Variants in PTPRM observed in about 807,000 individuals in gnomAD.
PTPRM encodes protein tyrosine phosphatase receptor type M.
PTPRM carries 47 observed loss-of-function variants against 186.7 expected under a neutral mutation model. The observed-to-expected ratio is 0.25, with a 90% CI of 0.20 to 0.32. The LOEUF is 0.32. PTPRM is among the 10% of genes least tolerant of loss of function. The probability of loss-of-function intolerance (pLI) is 1.00; values close to 1 mark genes in which losing one functional copy is unlikely to be tolerated. For synonymous variants in PTPRM, 668 were observed against 674.9 expected (o/e 0.99, Z 0.16); for missense variants, 1,494 against 1,865.0 (o/e 0.80, Z 3.66).
chr18:7,842,946 A>ATT (rs1484202242), intron 2 of PTPRM, among the ~76,000 whole-genome samples: 20 of 128,346 alleles, frequency 1.6e-4, no homozygotes, highest in African/African-American at 5.8e-4. Context: ...ATATATATAT[A>ATT]TAGAGAGAGA....
intron 19 of PTPRM, among the ~76,000 whole-genome samples, chr18:8,273,173 AT>A (rs1270565446): frequency 6.6e-6 from 1 of 152,144 alleles, no homozygotes; most frequent in Non-Finnish European, 1.5e-5. Context: ...CACTTAGTAC[AT>A]TTTTAGTTTA....
rs774980837 is a variant in PTPRM at position 7,644,324 on chromosome 18, C to T, written c.73+76433C>T. ...TTTCAAATTAGAAAATCTTTCTATA[C>T]TGTGGAAACATTTTAAACTAATACA... is the stretch of plus-strand genomic sequence containing the variant. On this transcript the variant is annotated intron_variant, in intron 1 of 32. Transcript: ENST00000580170. Among the ~76,000 whole-genome samples, 8 of 152,210 alleles carry T rather than the reference C, an allele frequency of 5.3e-5. No individual in the cohort carries two copies. In the South Asian group the frequency reaches 1.5e-3, roughly 28 times the overall value.
chr18:7,693,971 G>A (rs992500370), intron 1 of PTPRM, among the ~76,000 whole-genome samples: 3 of 152,146 alleles, frequency 2.0e-5, no homozygotes, highest in Non-Finnish European at 2.9e-5. Flanking sequence ...CTGTGGTGCC[G>A]TATCTGAGCA....
chr18:8,352,652 G>GTTTTTTTT (rs142090056), intron 23 of PTPRM, among the ~76,000 whole-genome samples: 5 of 102,212 alleles, frequency 4.9e-5, no homozygotes, highest in East Asian at 2.5e-4. Context: ...TTTTTGGTTT[G>GTTTTTTTT]GTTTTTTTTG....
chr18:7,732,529 G>GGTCTTGCTCTGTTGT (rs1410636290), intron 1 of PTPRM, among the ~76,000 whole-genome samples: 1 of 151,800 alleles, frequency 6.6e-6, no homozygotes, highest in Non-Finnish European at 1.5e-5. Context: ...TTAGAGACAG[G>GGTCTTGCTCTGTTGT]GTCTTGCTCT....
intron 7 of PTPRM, among the ~76,000 whole-genome samples, chr18:7,985,342 C>CGT (rs1294514937): frequency 8.0e-5 from 10 of 124,256 alleles, no homozygotes; most frequent in African/African-American, 2.5e-4. Context: ...ATTGTATATA[C>CGT]ACATAAATAT....
At chr18:7,578,693 A>G (rs1437825423) in intron 1 of PTPRM, among the ~76,000 whole-genome samples, 3 of 150,078 alleles carry the variant, frequency 2.0e-5, no homozygotes, top group South Asian at 2.1e-4. Flanking sequence ...GCTGGTCTCA[A>G]AACACCTGGG....
intron 23 of PTPRM, among the ~76,000 whole-genome samples, chr18:8,360,385 G>A (rs984125866): frequency 3.7e-5 from 5 of 134,198 alleles, no homozygotes; most frequent in South Asian, 2.7e-4. Flanking sequence ...CACCTCTGCC[G>A]TGAAATCTAT....
At chr18:8,236,948 C>G (rs1010553091) in intron 14 of PTPRM, among the ~76,000 whole-genome samples, 4 of 151,948 alleles carry the variant, frequency 2.6e-5, no homozygotes, top group Admixed American at 2.6e-4. Flanking sequence ...TTCTTTGTTC[C>G]TGTTCTTTTA....
intron 1 of PTPRM, among the ~76,000 whole-genome samples, chr18:7,731,352 G>C (rs1448862420): frequency 1.3e-5 from 2 of 152,162 alleles, no homozygotes; most frequent in African/African-American, 4.8e-5. Context: ...GTATAAAATA[G>C]TATCTTATCC....
At chr18:7,676,639 G>T (rs1320408019) in intron 1 of PTPRM, among the ~76,000 whole-genome samples, 1 of 138,320 alleles carries the variant, frequency 7.2e-6, no homozygotes, top group Non-Finnish European at 1.5e-5. Context: ...GTGTGTGTGT[G>T]TGTGTGTGTG....
intron 17 of PTPRM, among the ~76,000 whole-genome samples, chr18:8,249,014 G>T (rs538642951): frequency 5.9e-5 from 9 of 152,274 alleles, no homozygotes; most frequent in East Asian, 1.9e-4. Flanking sequence ...CATTTGAGAC[G>T]CATAAATAAC....
intron 2 of PTPRM, among the ~76,000 whole-genome samples, chr18:7,872,499 T>C (rs1284410766): frequency 6.6e-6 from 1 of 152,208 alleles, no homozygotes; most frequent in Non-Finnish European, 1.5e-5. Flanking sequence ...AAACGATTAC[T>C]TGAAAGAGTT....
intron 1 of PTPRM, among the ~76,000 whole-genome samples, chr18:7,696,510 T>C (rs1007430045): frequency 6.6e-6 from 1 of 152,234 alleles, no homozygotes; most frequent in African/African-American, 2.4e-5. Flanking sequence ...GTGGAAATAC[T>C]TCATTAGCTG....
intron 1 of PTPRM, chr18:7,749,430 A>G (rs2041105840): frequency 6.6e-6 from 1 of 152,130 alleles, no homozygotes; most frequent in South Asian, 2.1e-4. Context: ...TCTCCCTGCA[A>G]TCCAGAACCT....
At chr18:7,747,217 A>G (rs966922703) in intron 1 of PTPRM, among the ~76,000 whole-genome samples, 2 of 152,210 alleles carry the variant, frequency 1.3e-5, no homozygotes, top group Non-Finnish European at 2.9e-5. Context: ...CACCACTCCC[A>G]GACATACGCA....
chr18:7,922,976 G>A lies in PTPRM; in HGVS notation c.548-3592G>A, dbSNP rs548375950. ...CACCCGCTAATTTTTTGTTGTGGGG[G>A]CTATCCTGCACATTTTAGCAGTGTC... On this transcript the variant is annotated intron_variant, in intron 4 of 32. Transcript: ENST00000580170. 1.1e-3 allele frequency among the ~76,000 whole-genome samples: 173 copies of A among 152,188 alleles called. 1 individual carries two copies. Among genetic ancestry groups the A allele is most frequent in the African/African-American group, 3.4e-3 (142 of 41,516 alleles).
At chr18:7,590,928 C>T (rs1213149540) in intron 1 of PTPRM, among the ~76,000 whole-genome samples, 6 of 152,158 alleles carry the variant, frequency 3.9e-5, no homozygotes, top group Non-Finnish European at 8.8e-5. Flanking sequence ...GAGAAAGTTA[C>T]TTAAAATAGC....
At chr18:8,008,430 T>C (rs1401632590) in intron 7 of PTPRM, among the ~76,000 whole-genome samples, 3 of 152,188 alleles carry the variant, frequency 2.0e-5, no homozygotes, top group African/African-American at 7.2e-5. Context: ...TTGTTTTATA[T>C]TTTAAAATAA....
Sources: gnomAD v4.1 joint callset for allele counts (sites outside exome capture counted in the v4.1 genomes callset) on GRCh38, gnomAD v4.1.1 for gene constraint, MANE v1.5 for transcripts, NCBI Gene and HGNC (gene_info 2026-07-23, HGNC 2026-07-21) for gene names.